Variants in CTNNBIP1 observed in about 807,000 individuals in gnomAD.
The protein encoded by CTNNBIP1 is beta-catenin-interacting protein 1.
In CTNNBIP1, 7 loss-of-function variants were observed where a neutral mutation model predicts 11.8. The ratio of observed to expected loss-of-function variants is 0.60; its 90% confidence interval spans 0.34 to 1.12. CTNNBIP1 has a LOEUF of 1.12. Among genes scored for constraint, CTNNBIP1 ranks in the 50% most tolerant of loss-of-function variants. The pLI, the probability that CTNNBIP1 is intolerant of heterozygous loss-of-function variation, is 0.03. For synonymous variants in CTNNBIP1, 58 were observed against 43.9 expected, an observed-to-expected ratio of 1.32 and a Z score of -1.26; for missense variants, 101 against 113.4, an observed-to-expected ratio of 0.89 and a Z score of 0.50.
intron 5 of CTNNBIP1, among the ~76,000 whole-genome samples, chr1:9,861,038 T>C (rs1354982825): frequency 3.3e-5 from 5 of 152,238 alleles, no homozygotes; most frequent in African/African-American, 9.6e-5. Context: ...TTGACACACA[T>C]GGCAGACCAG....
intron 1 of CTNNBIP1, among the ~76,000 whole-genome samples, chr1:9,906,331 G>C (rs1288402767): frequency 6.6e-6 from 1 of 152,180 alleles, no homozygotes; most frequent in Admixed American, 6.5e-5. Context: ...GCCGAGGTGG[G>C]TGGATCGCCT....
At position 9,851,233 on chromosome 1, in the gene CTNNBIP1, AG is replaced by A. The variant is rs1163513838; in HGVS notation, c.188-458del. Among the ~76,000 whole-genome samples the A allele has an allele frequency of 6.6e-6, 1 of 152,054 alleles. No homozygotes were observed. Among genetic ancestry groups the A allele is most frequent in the African/African-American group, 2.4e-5 (1 of 41,358 alleles). Reference sequence around the variant, plus strand: ...GTTTTAAATAGCCATTCCTCTTTGCAGCAGCTTCTCCTTCACCCAAACCCAA... The same window carrying A: ...GTTTTAAATAGCCATTCCTCTTTGCACAGCTTCTCCTTCACCCAAACCCAA... On this transcript the variant is annotated intron_variant, in intron 5 of 5. Transcript: ENST00000377263. The surrounding 1 kb of genome is among the most constrained non-coding windows in gnomAD (Gnocchi z 4.8).
At chr1:9,903,471 C>A (rs970348035) in intron 1 of CTNNBIP1, among the ~76,000 whole-genome samples, 1 of 152,320 alleles carries the variant, frequency 6.6e-6, no homozygotes, top group East Asian at 1.9e-4. Flanking sequence ...GCTATTCCCC[C>A]ACAGAAGGAC....
intron 1 of CTNNBIP1, among the ~76,000 whole-genome samples, chr1:9,885,906 T>C (rs1639179250): frequency 6.8e-6 from 1 of 146,244 alleles, no homozygotes; most frequent in South Asian, 2.1e-4. Flanking sequence ...CACTCCAGCC[T>C]GGGCAACAAG....
intron 1 of CTNNBIP1, among the ~76,000 whole-genome samples, chr1:9,899,485 GC>G (rs552555067): frequency 1.4e-5 from 2 of 148,098 alleles, no homozygotes; most frequent in South Asian, 4.3e-4. Flanking sequence ...AAAATGACAG[GC>G]GCAGTGCCTC....
chr1:9,887,296 T>C (rs1200568291), intron 1 of CTNNBIP1, among the ~76,000 whole-genome samples: 2 of 152,206 alleles, frequency 1.3e-5, no homozygotes, highest in African/African-American at 4.8e-5. Flanking sequence ...AGAAGGTAAG[T>C]AACCTGCCTG....
intron 5 of CTNNBIP1, among the ~76,000 whole-genome samples, chr1:9,857,847 C>T (rs1638541794): frequency 6.6e-6 from 1 of 152,140 alleles, no homozygotes; most frequent in Non-Finnish European, 1.5e-5. Context: ...CTATGATAAA[C>T]CATTTCACAT....
At chr1:9,900,755 G>A (rs1008051518) in intron 1 of CTNNBIP1, among the ~76,000 whole-genome samples, 11 of 152,218 alleles carry the variant, frequency 7.2e-5, no homozygotes, top group Non-Finnish European at 1.6e-4. Context: ...TTGCCTGTAA[G>A]CCCCACCATG....
At chr1:9,856,919 T>A (rs919242523) in intron 5 of CTNNBIP1, among the ~76,000 whole-genome samples, 1 of 148,902 alleles carries the variant, frequency 6.7e-6, no homozygotes, top group African/African-American at 2.5e-5. Context: ...GGTCAGGAGT[T>A]CGAGACCAGT....
chr1:9,875,416 T>C (rs1184066543), intron 3 of CTNNBIP1, among the ~76,000 whole-genome samples: 2 of 152,206 alleles, frequency 1.3e-5, no homozygotes, highest in Non-Finnish European at 2.9e-5. Context: ...GGGCCGGCTT[T>C]ACAGAATGTT....
chr1:9,857,917 A>G (rs1348173828), intron 5 of CTNNBIP1, among the ~76,000 whole-genome samples: 1 of 152,212 alleles, frequency 6.6e-6, no homozygotes, highest in Non-Finnish European at 1.5e-5. Context: ...AGCAATTGGA[A>G]CCCTCATCCA....
chr1:9,857,490 C>CAA (rs561732405), intron 5 of CTNNBIP1, among the ~76,000 whole-genome samples: 28 of 75,034 alleles, frequency 3.7e-4, no homozygotes, highest in East Asian at 9.8e-4. Flanking sequence ...GACCCTGTCT[C>CAA]AAAAAAAAAA....
At chr1:9,908,136 G>A (rs1385538189) in intron 1 of CTNNBIP1, among the ~76,000 whole-genome samples, 2 of 152,138 alleles carry the variant, frequency 1.3e-5, no homozygotes, top group Non-Finnish European at 2.9e-5. Flanking sequence ...TCGGCTCACC[G>A]CAACCTCCGC....
In CTNNBIP1 at chr1:9,876,849, C is replaced by T. The variant is rs60649811; in HGVS notation, c.-25+1056G>A. On this transcript the variant is annotated intron_variant, in intron 3 of 5. Transcript: ENST00000377263. ...GAGACACACTCCTGCTATACATACA[C>T]ACACACACACACACACACACACACA... 3.2e-3 allele frequency among the ~76,000 whole-genome samples: 228 copies of T among 70,458 alleles called. No individual in the cohort carries two copies. In the African/African-American group the frequency reaches 0.037, roughly 12 times the overall value. 46.2% of individuals were successfully genotyped at this position (70,458 alleles called of 152,430 possible). A position where few individuals can be genotyped will look rare whatever the true frequency, so the allele number is the denominator to read the frequency against.
intron 1 of CTNNBIP1, among the ~76,000 whole-genome samples, chr1:9,892,629 T>C (rs1375120187): frequency 1.3e-5 from 2 of 151,804 alleles, no homozygotes; most frequent in Admixed American, 1.3e-4. Context: ...GGCCACTGCC[T>C]CTTTCCAACA....
At chr1:9,893,881 CG>C (rs1639355047) in intron 1 of CTNNBIP1, among the ~76,000 whole-genome samples, 1 of 152,004 alleles carries the variant, frequency 6.6e-6, no homozygotes, top group Admixed American at 6.6e-5. Context: ...CTTCCAAGTC[CG>C]AAAAAAGAAT....
intron 5 of CTNNBIP1, 55 bp from the exon 6 acceptor site, chr1:9,850,831 C>T (rs1376156766): frequency 5.8e-6 from 9 of 1,562,270 alleles, no homozygotes; most frequent in Non-Finnish European, 7.9e-6. Context: ...GGCTTGCGAA[C>T]AGGACAAGCA....
chr1:9,872,915 T>C lies in CTNNBIP1; in HGVS notation c.-24-827A>G, dbSNP rs549350726. 4.2e-4 allele frequency among the ~76,000 whole-genome samples: 64 copies of C among 152,108 alleles called. No individual in the cohort carries two copies. In the East Asian group the frequency reaches 0.011, roughly 26 times the overall value. The stretch of plus-strand genomic sequence containing the variant: ...TGGTAACTCCTGGATGAGTCAGAAA[T>C]AACGCAGCAGCTGCTGGGGTGGAGC... On this transcript the variant is annotated intron_variant, in intron 3 of 5. Coordinates refer to ENST00000377263, the MANE Select transcript of CTNNBIP1 (RefSeq NM_020248.3). This position sits in a 1 kb window ranked among gnomAD's most constrained non-coding sequence, Gnocchi z 4.0.
intron 1 of CTNNBIP1, among the ~76,000 whole-genome samples, chr1:9,903,840 T>G (rs140168541): frequency 1.6e-4 from 25 of 152,324 alleles, no homozygotes; most frequent in African/African-American, 5.8e-4. Context: ...GAGGCTTTTC[T>G]TTCTTCTCTA....
Sources: allele counts gnomAD v4.1 joint callset (sites outside exome capture counted in the v4.1 genomes callset), GRCh38; gene constraint gnomAD v4.1.1; non-coding constraint Gnocchi (gnomAD v3.1); transcripts MANE v1.5; gene names NCBI Gene and HGNC (gene_info 2026-07-23, HGNC 2026-07-21).